Variants in MGLL observed in about 807,000 individuals in gnomAD.
MGLL encodes the protein monoglyceride lipase.
In MGLL, 7 loss-of-function variants were observed where a neutral mutation model predicts 29.1. That is an observed-to-expected ratio of 0.24 (90% confidence interval 0.14 to 0.45). The LOEUF (loss-of-function observed/expected upper bound fraction) is 0.45, where lower values mean the gene tolerates loss of function less well. MGLL is among the 20% of genes least tolerant of loss of function. The pLI is 0.99. For missense variants in MGLL, 356 were observed against 413.6 expected (o/e 0.86, Z 1.21); for synonymous variants, 148 against 168.3 (o/e 0.88, Z 0.93).
chr3:127,721,155 G>A lies in MGLL; in HGVS notation c.408C>T (p.Ala136=). 1 of 1,614,124 alleles carries A rather than the reference G, an allele frequency of 6.2e-7. No homozygotes were observed. The highest frequency in any genetic ancestry group is 8.5e-7 in the Non-Finnish European group (1 of 1,179,992). ...VFLLGHSMGG[A]IAILTAAERP... ...TCTCTGCGGCCGTGAGGATGGCGATGGCGCCTCCCTGTAATGCAGAATGGG... is the reference window on the plus strand; with the variant it reads ...TCTCTGCGGCCGTGAGGATGGCGATAGCGCCTCCCTGTAATGCAGAATGGG... The change falls in exon 5 of 8, where the codon GCC becomes GCT. Residue 136 remains alanine (A), a synonymous_variant. Coordinates refer to ENST00000265052, the MANE Select transcript of MGLL (RefSeq NM_007283.7).
intron 3 of MGLL, among the ~76,000 whole-genome samples, chr3:127,731,680 C>T (rs2076153637): frequency 1.3e-5 from 2 of 152,220 alleles, no homozygotes; most frequent in Non-Finnish European, 2.9e-5. Context: ...CACTGCACCT[C>T]ACCTGTTCTT....
chr3:127,706,606 G>A (rs1339706785), intron 6 of MGLL, among the ~76,000 whole-genome samples: 1 of 152,224 alleles, frequency 6.6e-6, no homozygotes, highest in Non-Finnish European at 1.5e-5. Context: ...GGAGCCATAT[G>A]CCCAAGAGAC....
chr3:127,721,228 C>T (rs1179539736), intron 4 of MGLL, 65 bp from the exon 5 acceptor site: 1 of 1,408,484 alleles, frequency 7.1e-7, no homozygotes, highest in African/African-American at 1.4e-5. Context: ...TTCTAATAAA[C>T]ATGACCAATG....
Position 127,737,453 on chromosome 3 carries a change from G to A in MGLL, c.263-14887C>T, listed in dbSNP as rs73859600. 2.0e-3 allele frequency among the ~76,000 whole-genome samples: 306 copies of A among 150,000 alleles called. 1 individual carries two copies. Among genetic ancestry groups the A allele is most frequent in the African/African-American group, 7.1e-3 (288 of 40,824 alleles). The stretch of plus-strand genomic sequence containing the variant: ...GAATGGATGATGGCTAGCACAGAGC[G>A]GGGCACACAGGAAGCACTCAATAAA... On this transcript the variant is annotated intron_variant, in intron 3 of 7. Transcript: ENST00000265052.
intron 3 of MGLL, among the ~76,000 whole-genome samples, chr3:127,748,422 G>A (rs2076492628): frequency 8.3e-6 from 1 of 119,778 alleles, no homozygotes; most frequent in Non-Finnish European, 2.0e-5. Flanking sequence ...GAGAGAGAGA[G>A]AGAGAGGGAG....
chr3:127,755,098 G>A (rs1056559310), intron 3 of MGLL, among the ~76,000 whole-genome samples: 2 of 152,188 alleles, frequency 1.3e-5, no homozygotes, highest in Admixed American at 6.5e-5. Flanking sequence ...CATTGCGGGG[G>A]CTGTTCTTTT....
intron 2 of MGLL, among the ~76,000 whole-genome samples, chr3:127,804,780 C>T (rs2077537186): frequency 1.3e-5 from 2 of 152,148 alleles, no homozygotes; most frequent in South Asian, 4.1e-4. Context: ...GGCCTGCCAC[C>T]CCAGAGAGGC....
At chr3:127,708,056 A>T (rs2075637708) in intron 6 of MGLL, among the ~76,000 whole-genome samples, 1 of 152,098 alleles carries the variant, frequency 6.6e-6, no homozygotes. Flanking sequence ...AGTCCTGCTC[A>T]CTCAGCTTCT....
intron 2 of MGLL, among the ~76,000 whole-genome samples, chr3:127,788,051 A>G (rs1382502404): frequency 6.6e-6 from 1 of 152,218 alleles, no homozygotes; most frequent in Admixed American, 6.5e-5. Context: ...AGAGCCAGTG[A>G]AGGAGCTAAA....
chr3:127,739,350 G>C (rs2076296199), intron 3 of MGLL, among the ~76,000 whole-genome samples: 1 of 152,200 alleles, frequency 6.6e-6, no homozygotes, highest in Non-Finnish European at 1.5e-5. Context: ...AAAGTGCTTA[G>C]AGCAGTAAGA....
At chr3:127,750,597 G>T (rs2076539590) in intron 3 of MGLL, among the ~76,000 whole-genome samples, 1 of 151,360 alleles carries the variant, frequency 6.6e-6, no homozygotes, top group South Asian at 2.1e-4. Flanking sequence ...CAAACCACAG[G>T]TTTCAGTCAT....
At chr3:127,764,406 T>A (rs2076820535) in intron 3 of MGLL, among the ~76,000 whole-genome samples, 2 of 152,124 alleles carry the variant, frequency 1.3e-5, no homozygotes, top group Non-Finnish European at 1.5e-5. Context: ...AGAATGGGCG[T>A]ACAGATATCA....
chr3:127,763,326 G>A (rs553208571), intron 3 of MGLL, among the ~76,000 whole-genome samples: 4 of 152,310 alleles, frequency 2.6e-5, no homozygotes, highest in African/African-American at 9.6e-5. Context: ...AGACCGAAAC[G>A]GCTTCTTCTG....
At chr3:127,807,750 CTTTTTTTTTTTTTTT>C (rs35444871) in intron 2 of MGLL, among the ~76,000 whole-genome samples, 7 of 59,472 alleles carry the variant, frequency 1.2e-4, no homozygotes, top group African/African-American at 1.4e-4. Context: ...TGTGAAAAGT[CTTTTTTTTTTTTTTT>C]TTTTTTTTTT....
At chr3:127,726,674 C>T (rs898288480) in intron 3 of MGLL, among the ~76,000 whole-genome samples, 2 of 152,162 alleles carry the variant, frequency 1.3e-5, no homozygotes, top group African/African-American at 4.8e-5. Flanking sequence ...TTGTGATCCA[C>T]CCACCTCAGC....
chr3:127,821,829 T>C lies in MGLL; in HGVS notation c.20A>G (p.Asp7Gly). The C allele has an allele frequency of 6.2e-7, 1 of 1,613,916 alleles. No homozygotes were observed. Among genetic ancestry groups the C allele is most frequent in the Non-Finnish European group, 8.5e-7 (1 of 1,179,874 alleles). The change falls in exon 2 of 8, where the codon GAC becomes GGC. Residue 7 changes from aspartate to glycine, a missense_variant. By Grantham distance (94) the Asp-to-Gly change is moderately conservative. Coordinates refer to ENST00000265052, the MANE Select transcript of MGLL (RefSeq NM_007283.7). METGPEDPSSMPEESSP... is the reference protein window; with the variant it reads METGPEGPSSMPEESSP... The stretch of plus-strand genomic sequence containing the variant: ...ACTTTCCTCTGGCATGCTGGAAGGG[T>C]CTTCAGGTCCTAGAAGGAAAAGTGA...
intron 3 of MGLL, among the ~76,000 whole-genome samples, chr3:127,766,029 A>T (rs2076849492): frequency 6.6e-6 from 1 of 152,126 alleles, no homozygotes; most frequent in Non-Finnish European, 1.5e-5. Flanking sequence ...TATGACTTAG[A>T]GTTACAGGTG....
At chr3:127,809,475 A>C (rs765675016) in intron 2 of MGLL, among the ~76,000 whole-genome samples, 4 of 152,066 alleles carry the variant, frequency 2.6e-5, no homozygotes, top group Non-Finnish European at 5.9e-5. Flanking sequence ...AAAATTTAAA[A>C]ATTGTCTGGG....
At chr3:127,743,572 TAAAAAAAAAAAAAA>T (rs35691902) in intron 3 of MGLL, among the ~76,000 whole-genome samples, 2 of 40,698 alleles carry the variant, frequency 4.9e-5, no homozygotes, top group African/African-American at 2.4e-4. Context: ...CCACTAATGC[TAAAAAAAAAAAAAA>T]AAAAAAAAAA....
Sources: gnomAD v4.1 joint callset for allele counts (sites outside exome capture counted in the v4.1 genomes callset) on GRCh38, gnomAD v4.1.1 for gene constraint, MANE v1.5 for transcripts, NCBI Gene and HGNC (gene_info 2026-07-23, HGNC 2026-07-21) for gene names.